RFT1: variants seen among roughly 807,000 people sequenced by gnomAD.
RFT1 encodes the protein man(5)GlcNAc(2)-PP-dolichol translocation protein RFT1.
In RFT1, 43 loss-of-function variants were observed where a neutral mutation model predicts 62.2. The ratio of observed to expected loss-of-function variants is 0.69; its 90% CI spans 0.54 to 0.89. The LOEUF (loss-of-function observed/expected upper bound fraction) is 0.89. Among genes scored for constraint, RFT1 ranks in the 40% least tolerant of loss-of-function variants. The pLI is 0.00. For synonymous variants in RFT1, 262 were observed against 264.6 expected (o/e 0.99, Z 0.10); for missense variants, 605 against 649.9 (o/e 0.93, Z 0.75).
At chr3:53,105,859 T>A in intron 8 of RFT1, 56 bp from the exon 9 acceptor site, 2 of 1,413,136 alleles carry the variant, frequency 1.4e-6, no homozygotes, top group Non-Finnish European at 2.0e-6. Flanking sequence ...TTTTAATTTT[T>A]ATAGCACTAT....
chr3:53,111,052 G>A (rs1320152160), intron 7 of RFT1, among the ~76,000 whole-genome samples: 1 of 151,858 alleles, frequency 6.6e-6, no homozygotes, highest in Admixed American at 6.6e-5. Context: ...ATAAATCCAG[G>A]ATTAGGGAAT....
At chr3:53,068,980 C>A in the RFT1 span, among the ~76,000 whole-genome samples, 63 of 152,300 alleles carry the variant, frequency 4.1e-4, no homozygotes, top group African/African-American at 1.5e-3. Context: ...ACTTTTGTTG[C>A]CCAGGCTGGA....
At chr3:53,096,973 G>A (rs1435074656) in intron 11 of RFT1, among the ~76,000 whole-genome samples, 2 of 152,108 alleles carry the variant, frequency 1.3e-5, no homozygotes, top group Non-Finnish European at 2.9e-5. Context: ...TCGAACTCCT[G>A]ACCTCAGGTG....
downstream of RFT1, among the ~76,000 whole-genome samples, chr3:53,087,589 C>T (rs1482045806): frequency 1.3e-5 from 2 of 151,898 alleles, no homozygotes; most frequent in African/African-American, 2.4e-5. Flanking sequence ...GGAGCGCGAA[C>T]ATGCTCATTG....
chr3:53,114,390 CCTAAT>C lies in RFT1; in HGVS notation c.697-2487_697-2483del, dbSNP rs1408946158. 1.9e-4 allele frequency among the ~76,000 whole-genome samples: 29 copies of C among 152,226 alleles called. No individual in the cohort carries two copies. In the East Asian group the frequency reaches 4.8e-3, roughly 25 times the overall value. On this transcript the variant is annotated intron_variant, in intron 6 of 12. Coordinates refer to ENST00000296292, the MANE Select transcript of RFT1 (RefSeq NM_052859.4). ...GGGAGAATGAGATCATGATGGTGTACCTAATCTGAGAGCTCATACTTGATTTTCCT... is the reference window on the plus strand; with the variant it reads ...GGGAGAATGAGATCATGATGGTGTACCTGAGAGCTCATACTTGATTTTCCT...
chr3:53,128,268 A>G (rs1702166776), intron 1 of RFT1, among the ~76,000 whole-genome samples: 1 of 152,210 alleles, frequency 6.6e-6, no homozygotes, highest in Non-Finnish European at 1.5e-5. Context: ...ACTGCACTCC[A>G]GCCTGAGCAA....
At chr3:53,126,975 A>G (rs912278174) in intron 1 of RFT1, among the ~76,000 whole-genome samples, 2 of 152,256 alleles carry the variant, frequency 1.3e-5, no homozygotes, top group African/African-American at 4.8e-5. Context: ...GGGGACAGCT[A>G]TGACCAAAAA....
chr3:53,069,419 T>A, the RFT1 span, among the ~76,000 whole-genome samples: 1 of 151,938 alleles, frequency 6.6e-6, no homozygotes, highest in Non-Finnish European at 1.5e-5. Context: ...TTGAAGAGCA[T>A]CTGTATAAAG....
At chr3:53,111,738 T>C in intron 7 of RFT1, 92 bp downstream of exon 7, 2 of 1,055,338 alleles carry the variant, frequency 1.9e-6, no homozygotes, top group Admixed American at 3.4e-5. Flanking sequence ...CCAGAGGCTC[T>C]GGACAGGTGG....
At chr3:53,121,580 T>C (rs1274969254) in intron 5 of RFT1, 119 bp downstream of exon 5, 6 of 813,662 alleles carry the variant, frequency 7.4e-6, no homozygotes, top group Non-Finnish European at 1.3e-5. Context: ...CTTCTGGTGC[T>C]TCCACCTCCT....
intron 3 of RFT1, among the ~76,000 whole-genome samples, 155 bp from the exon 4 acceptor site, chr3:53,122,718 C>T (rs996577120): frequency 7.2e-5 from 11 of 152,074 alleles, no homozygotes; most frequent in African/African-American, 2.7e-4. Context: ...TGATTCACGC[C>T]GCTTATCTCA....
chr3:53,084,652 A>C (rs1291353596), downstream of RFT1, among the ~76,000 whole-genome samples: 1 of 152,236 alleles, frequency 6.6e-6, no homozygotes, highest in African/African-American at 2.4e-5. Flanking sequence ...ATTAAAGGTG[A>C]GAGGCCGCTG....
At position 53,116,813 on chromosome 3, in the gene RFT1, A is replaced by T. The variant is rs536351791; in HGVS notation, c.696+3071T>A. ...GAGACGGGGTTTCACCATGTGGGCCAGGCTGGTTTCCAACTCCTGACCTCA... is the reference window on the plus strand; with the variant it reads ...GAGACGGGGTTTCACCATGTGGGCCTGGCTGGTTTCCAACTCCTGACCTCA... On this transcript the variant is annotated intron_variant, in intron 6 of 12. Coordinates refer to ENST00000296292, the MANE Select transcript of RFT1 (RefSeq NM_052859.4). 3.3e-5 allele frequency among the ~76,000 whole-genome samples: 5 copies of T among 151,998 alleles called. No individual in the cohort carries two copies. The South Asian group carries it at 1.0e-3, about 32-fold the overall frequency.
Position 53,104,103 on chromosome 3 carries a change from G to A in RFT1, c.958-6C>T. ...GCAGCCACAGCAACGTCCTCCTGGG[G>A]CCAGGGAAGAGGGAAGGAAGTTGGA... On this transcript the variant is annotated splice_region_variant and splice_polypyrimidine_tract_variant and intron_variant, in intron 9 of 12. Coordinates refer to ENST00000296292, the MANE Select transcript of RFT1 (RefSeq NM_052859.4). 1.2e-6 allele frequency: 2 copies of A among 1,614,148 alleles called. No homozygotes were observed. The highest frequency in any genetic ancestry group is 1.7e-6 in the Non-Finnish European group (2 of 1,180,012).
chr3:53,111,391 G>A (rs1401696589), intron 7 of RFT1, among the ~76,000 whole-genome samples: 1 of 150,864 alleles, frequency 6.6e-6, no homozygotes, highest in Non-Finnish European at 1.5e-5. Context: ...GGGCGACGGA[G>A]CAAGACTCCA....
Position 53,121,766 on chromosome 3 carries a change from C to T in RFT1, c.491G>A (p.Ser164Asn). ...CAGCACGAGAAAAGCTGTCAGAACG[C>T]TCTTAAGAATTACCGACAGGCTCTC... Reference protein sequence around the residue: ...IAESLSVILKSVLTAFLVLWL... With the variant: ...IAESLSVILKNVLTAFLVLWL... The change falls in exon 5 of 13, where the codon AGC becomes AAC. Residue 164 changes from serine to asparagine, a missense_variant. Transcript: ENST00000296292. 6.2e-7 allele frequency: 1 copy of T among 1,613,990 alleles called. No individual in the cohort carries two copies. Among genetic ancestry groups the T allele is most frequent in the South Asian group, 1.1e-5 (1 of 91,046 alleles).
chr3:53,075,706 T>C, the RFT1 span, among the ~76,000 whole-genome samples: 4 of 152,144 alleles, frequency 2.6e-5, no homozygotes, highest in African/African-American at 9.7e-5. Flanking sequence ...CAGCATCATC[T>C]TAACCTTCAT....
intron 11 of RFT1, among the ~76,000 whole-genome samples, chr3:53,097,490 C>A (rs1393938629): frequency 6.6e-6 from 1 of 152,256 alleles, no homozygotes; most frequent in Non-Finnish European, 1.5e-5. Flanking sequence ...TAATTTTCCA[C>A]ATGTTTATAT....
chr3:53,075,939 G>A, the RFT1 span, among the ~76,000 whole-genome samples: 2 of 152,158 alleles, frequency 1.3e-5, no homozygotes, highest in Non-Finnish European at 2.9e-5. Flanking sequence ...AAGTTTAAGG[G>A]GAAGTTAACA....
Sources: gnomAD v4.1 joint callset for allele counts (sites outside exome capture counted in the v4.1 genomes callset) on GRCh38, gnomAD v4.1.1 for gene constraint, MANE v1.5 for transcripts, NCBI Gene and HGNC (gene_info 2026-07-23, HGNC 2026-07-21) for gene names.